PHACTR2: variants seen among roughly 807,000 people sequenced by gnomAD.
PHACTR2 encodes the protein phosphatase and actin regulator 2.
PHACTR2 carries 30 observed loss-of-function variants against 76.0 expected under a neutral mutation model. That is an observed-to-expected ratio of 0.39 (90% confidence interval 0.30 to 0.54). The LOEUF (loss-of-function observed/expected upper bound fraction) is 0.54, where lower values mean the gene tolerates loss of function less well. Among genes scored for constraint, PHACTR2 ranks in the 20% least tolerant of loss-of-function variants. The pLI, the probability that PHACTR2 is intolerant of heterozygous loss-of-function variation, is 0.61. For synonymous variants in PHACTR2, 292 were observed against 292.5 expected (o/e 1.00, Z 0.02); for missense variants, 696 against 781.1 (o/e 0.89, Z 1.30).
At chr6:143,538,746 T>A (rs990808563) in intron 1 of PHACTR2, among the ~76,000 whole-genome samples, 13 of 152,400 alleles carry the variant, frequency 8.5e-5, no homozygotes, top group Middle Eastern at 3.4e-3. Context: ...CTTGTCATAT[T>A]GTTTTTGCCG....
At position 143,621,291 on chromosome 6, in the gene PHACTR2, T is replaced by C. The variant is rs939993630; in HGVS notation, c.13+12969T>C. Among the ~76,000 whole-genome samples, 3 of 152,164 alleles carry C rather than the reference T, an allele frequency of 2.0e-5. No homozygotes were observed. The highest frequency in any genetic ancestry group is 1.3e-4 in the Admixed American group (2 of 15,280). ...AGGTTTCATTCTGGCTTCTTCAATT[T>C]GGTGTGAATTGACAACAAAGAAAAC... is the stretch of plus-strand genomic sequence containing the variant. On this transcript the variant is annotated intron_variant, in intron 1 of 11. Transcript: ENST00000305766. The surrounding 1 kb of genome is among the most constrained non-coding windows in gnomAD (Gnocchi z 4.1).
In PHACTR2 at chr6:143,783,005, A is replaced by ATGTGTGTGTG. The variant is rs144077213; in HGVS notation, c.1646-192_1646-183dup. ...AGCAAACCAGTCCTACAAAAAAAGC[A>ATGTGTGTGTG]TGTGTGTGTGTGTGTGTGTGTGTGT... On this transcript the variant is annotated intron_variant, in intron 9 of 12. Coordinates refer to ENST00000440869, the MANE Select transcript of PHACTR2 (RefSeq NM_001100164.2). This position sits in a 1 kb window ranked among gnomAD's most constrained non-coding sequence, Gnocchi z 5.2. Among the ~76,000 whole-genome samples, 15,361 of 146,086 alleles carry ATGTGTGTGTG rather than the reference A, an allele frequency of 0.11. 965 individuals are homozygous for ATGTGTGTGTG. The highest frequency in any genetic ancestry group is 0.15 in the Non-Finnish European group (9,938 of 66,372).
rs1357736141 is a variant in PHACTR2 at position 143,623,025 on chromosome 6, T to C, written c.13+14703T>C. Among the ~76,000 whole-genome samples, 3 of 152,192 alleles carry C rather than the reference T, an allele frequency of 2.0e-5. No homozygotes were observed. Among genetic ancestry groups the C allele is most frequent in the Non-Finnish European group, 4.4e-5 (3 of 68,036 alleles). ...TAGTGACATTGTTTATCCATTTGCTTTGAACTTTTCAGATTACCTTCCCTA... is the reference window on the plus strand; with the variant it reads ...TAGTGACATTGTTTATCCATTTGCTCTGAACTTTTCAGATTACCTTCCCTA... On this transcript the variant is annotated intron_variant, in intron 1 of 11. Transcript: ENST00000305766. The surrounding 1 kb of genome is among the most constrained non-coding windows in gnomAD (Gnocchi z 5.9).
rs146952846 is a variant in PHACTR2 at position 143,740,297 on chromosome 6, C to A, written c.215-8688C>A. ...GTTTTAGCTGGCTTCTTTATTGCAA[C>A]CTGTTTTGTCATCAAGATCTTTAAG... On this transcript the variant is annotated intron_variant, in intron 2 of 12. Transcript: ENST00000440869. 2.9e-3 allele frequency among the ~76,000 whole-genome samples: 434 copies of A among 151,960 alleles called. 3 individuals carry two copies. The highest frequency in any genetic ancestry group is 9.9e-3 in the African/African-American group (412 of 41,460).
rs1172327778 is a variant in PHACTR2 at position 143,794,355 on chromosome 6, AT to A, written c.1845+5448del. On this transcript the variant is annotated intron_variant, in intron 11 of 12. Transcript: ENST00000440869. The surrounding 1 kb of genome is among the most constrained non-coding windows in gnomAD (Gnocchi z 4.1). ...TATTTATTATATATATTTAGATCAG[AT>A]TTAAAATATTGTATTAAGTTAATTC... Among the ~76,000 whole-genome samples the A allele has an allele frequency of 6.6e-6, 1 of 151,130 alleles. No individual in the cohort carries two copies. Among genetic ancestry groups the A allele is most frequent in the Non-Finnish European group, 1.5e-5 (1 of 67,788 alleles).
At chr6:143,563,520 C>T (rs1343853452) in intron 1 of PHACTR2, among the ~76,000 whole-genome samples, 3 of 142,998 alleles carry the variant, frequency 2.1e-5, no homozygotes, top group Non-Finnish European at 3.0e-5. Flanking sequence ...CGCGCCACTG[C>T]ACTCCAGCCT....
At chr6:143,628,939 A>G (rs1435098787) in intron 1 of PHACTR2, among the ~76,000 whole-genome samples, 1 of 28,130 alleles carries the variant, frequency 3.6e-5, no homozygotes, top group Non-Finnish European at 9.3e-5. Flanking sequence ...ATATATATAT[A>G]TATATATATA....
Position 143,562,499 on chromosome 6 carries a change from G to A in PHACTR2, c.217+25292G>A, listed in dbSNP as rs894524826. ...GCCATGAGGAATCTGCTCCCATGAC[G>A]CAAACACCTCCCACCAGGCCCCACC... On this transcript the variant is annotated intron_variant, in intron 1 of 11. Coordinates refer to the PHACTR2 transcript ENST00000367584. The surrounding 1 kb of genome is among the most constrained non-coding windows in gnomAD (Gnocchi z 5.1). 2.0e-5 allele frequency among the ~76,000 whole-genome samples: 3 copies of A among 152,040 alleles called. No individual in the cohort carries two copies. The highest frequency in any genetic ancestry group is 6.6e-5 in the Admixed American group (1 of 15,262).
rs1353881469 is a variant in PHACTR2, at chr6:143,611,983, C to A, written c.13+3661C>A. Reference sequence around the variant, plus strand: ...TAGAGAATTTAAGACAGTAGTCCTGCACTACTGAACACAAGATGAGTTTTC... The same window carrying A: ...TAGAGAATTTAAGACAGTAGTCCTGAACTACTGAACACAAGATGAGTTTTC... On this transcript the variant is annotated intron_variant, in intron 1 of 11. Transcript: ENST00000305766. This position sits in a 1 kb window ranked among gnomAD's most constrained non-coding sequence, Gnocchi z 4.4. 1.3e-5 allele frequency among the ~76,000 whole-genome samples: 2 copies of A among 152,158 alleles called. No homozygotes were observed. Among genetic ancestry groups the A allele is most frequent in the East Asian group, 3.8e-4 (2 of 5,202 alleles).
In PHACTR2 at chr6:143,712,073, A is replaced by G; in HGVS notation, c.104A>G (p.Gln35Arg). The change falls in exon 2 of 13, where the codon CAA becomes CGA. Residue 35 changes from glutamine to arginine, a missense_variant. Gln to Arg is a conservative substitution (Grantham distance 43). Coordinates refer to ENST00000440869, the MANE Select transcript of PHACTR2 (RefSeq NM_001100164.2). ...ANSDGPTAGSQTPPFKRKGKL... is the reference protein window; with the variant it reads ...ANSDGPTAGSRTPPFKRKGKL... ...TCAGATGGCCCCACAGCAGGTTCCC[A>G]AACACCTCCCTTCAAAAGAAAGGGG... 1 of 1,598,484 alleles carries G rather than the reference A, an allele frequency of 6.3e-7. No homozygotes were observed. Among genetic ancestry groups the G allele is most frequent in the South Asian group, 1.1e-5 (1 of 87,796 alleles).
Position 143,760,469 on chromosome 6 carries a change from A to G in PHACTR2, c.523A>G (p.Arg175Gly), listed in dbSNP as rs1219705900. ...ACCTCCTTCTGCTCCTCCTAAGCCTAGACCCAAACCTAAACCCAAAAAATC... is the reference window on the plus strand; with the variant it reads ...ACCTCCTTCTGCTCCTCCTAAGCCTGGACCCAAACCTAAACCCAAAAAATC... ...ALPPSAPPKP[R>G]PKPKPKKSPV... The change falls in exon 5 of 13, where the codon AGA (arginine) becomes GGA (glycine). Residue 175 changes from arginine (R) to glycine (G), a missense_variant. Coordinates refer to ENST00000440869, the MANE Select transcript of PHACTR2 (RefSeq NM_001100164.2). This position sits in a 1 kb window ranked among gnomAD's most constrained non-coding sequence, Gnocchi z 6.4. The G allele has an allele frequency of 6.2e-7, 1 of 1,613,660 alleles. No individual in the cohort carries two copies. Among genetic ancestry groups the G allele is most frequent in the Non-Finnish European group, 8.5e-7 (1 of 1,179,770 alleles).
Position 143,678,016 on chromosome 6 carries a change from C to T in PHACTR2, c.-148C>T. ...GGCTGCGGCCGGCCGGGCTGGGAGA[C>T]CCGCGCGGGGTAGAAGGTGAGGGGA... On this transcript the variant is annotated 5_prime_UTR_variant, in exon 1 of 13. Transcript: ENST00000440869. This position sits in a 1 kb window ranked among gnomAD's most constrained non-coding sequence, Gnocchi z 6.2. The T allele has an allele frequency of 6.8e-7, 1 of 1,478,538 alleles. No homozygotes were observed. Among genetic ancestry groups the T allele is most frequent in the East Asian group, 2.8e-5 (1 of 35,394 alleles). 91.6% of individuals were successfully genotyped at this position (1,478,538 alleles called of 1,614,324 possible).
rs370125457 is a variant in PHACTR2 at position 143,801,722 on chromosome 6, G to A, written c.1846-5335G>A. ...TGTCAACTCATCAAACTCATTCTCC[G>A]TCCAGTTTTGTTCCCTTGCTGGCGA... On this transcript the variant is annotated intron_variant, in intron 11 of 12. Coordinates refer to ENST00000440869, the MANE Select transcript of PHACTR2 (RefSeq NM_001100164.2). This position sits in a 1 kb window ranked among gnomAD's most constrained non-coding sequence, Gnocchi z 4.6. Among the ~76,000 whole-genome samples the A allele has an allele frequency of 2.0e-4, 30 of 152,156 alleles. No homozygotes were observed. Among genetic ancestry groups the A allele is most frequent in the African/African-American group, 4.8e-4 (20 of 41,512 alleles).
At position 143,765,324 on chromosome 6, in the gene PHACTR2, C is replaced by G. The variant is rs1248223606; in HGVS notation, c.758C>G (p.Ser253Cys). Residue 253 changes from serine (S) to cysteine (C), a missense_variant, in exon 6 of 13, where the codon TCC (serine) becomes TGC (cysteine). By Grantham distance (112) the Ser-to-Cys change is moderately radical. Transcript: ENST00000440869. The surrounding 1 kb of genome is among the most constrained non-coding windows in gnomAD (Gnocchi z 4.1). The stretch of plus-strand genomic sequence containing the variant: ...GCATCAGCTTCGCCATCCACTTCAT[C>G]CACCTCATCTCGTCCCAAAGCTTCA... ...SKASASPSTS[S>C]TSSRPKASKE... 1 of 1,614,202 alleles carries G rather than the reference C, an allele frequency of 6.2e-7. No individual in the cohort carries two copies. The highest frequency in any genetic ancestry group is 1.1e-5 in the South Asian group (1 of 91,080).
At position 143,539,487 on chromosome 6, in the gene PHACTR2, T is replaced by C. The variant is rs1781152849; in HGVS notation, c.217+2280T>C. 6.6e-6 allele frequency among the ~76,000 whole-genome samples: 1 copy of C among 152,240 alleles called. No individual in the cohort carries two copies. The highest frequency in any genetic ancestry group is 2.1e-4 in the South Asian group (1 of 4,834). On this transcript the variant is annotated intron_variant, in intron 1 of 11. Transcript: ENST00000367584. The surrounding 1 kb of genome is among the most constrained non-coding windows in gnomAD (Gnocchi z 4.3). ...CATGCCCCACAGCCTCTGCAGCCTC[T>C]GTAAGCCATGCAGGATGGATCTGAG...
intron 2 of PHACTR2, among the ~76,000 whole-genome samples, chr6:143,728,002 A>G (rs1185314206): frequency 6.6e-6 from 1 of 151,012 alleles, no homozygotes; most frequent in Non-Finnish European, 1.5e-5. Flanking sequence ...AGGCAAGAGA[A>G]AGAAATAAAA....
rs549082685 is a variant in PHACTR2, at chr6:143,787,435, C to T, written c.1708-1338C>T. On this transcript the variant is annotated intron_variant, in intron 10 of 12. Coordinates refer to ENST00000440869, the MANE Select transcript of PHACTR2 (RefSeq NM_001100164.2). This position sits in a 1 kb window ranked among gnomAD's most constrained non-coding sequence, Gnocchi z 4.6. ...TTCTCTTGTCCATTGCCTACCGGGG[C>T]TCTATGAAGATAGAGGGAGCCATAG... 6.6e-5 allele frequency among the ~76,000 whole-genome samples: 10 copies of T among 152,318 alleles called. No homozygotes were observed. The East Asian group carries it at 1.9e-3, about 29-fold the overall frequency.
Position 143,760,509 on chromosome 6 carries a change from A to T in PHACTR2, c.563A>T (p.Lys188Ile). 1.2e-6 allele frequency: 2 copies of T among 1,613,900 alleles called. No homozygotes were observed. The highest frequency in any genetic ancestry group is 8.5e-7 in the Non-Finnish European group (1 of 1,179,860). Reference sequence around the variant, plus strand: ...CCCAAAAAATCACCTGTGCCTCCGAAAGGGGCCACTGCTGGGGCCAGCCAC... The same window carrying T: ...CCCAAAAAATCACCTGTGCCTCCGATAGGGGCCACTGCTGGGGCCAGCCAC... ...PKPKKSPVPP[K>I]GATAGASHKG... The change falls in exon 5 of 13, where the codon AAA becomes ATA. Residue 188 changes from lysine (K) to isoleucine (I), a missense_variant. Physicochemically the swap from Lys to Ile is moderately radical, Grantham distance 102. Around this residue, in one of 2 missense-constraint regions of PHACTR2, gnomAD observed 460 missense variants for 450.9 expected, o/e 1.02. Coordinates refer to ENST00000440869, the MANE Select transcript of PHACTR2 (RefSeq NM_001100164.2). The surrounding 1 kb of genome is among the most constrained non-coding windows in gnomAD (Gnocchi z 6.4).
rs190281369 is a variant in PHACTR2 at position 143,731,698 on chromosome 6, G to A, written c.215-17287G>A. On this transcript the variant is annotated intron_variant, in intron 2 of 12. Coordinates refer to ENST00000440869, the MANE Select transcript of PHACTR2 (RefSeq NM_001100164.2). This position sits in a 1 kb window ranked among gnomAD's most constrained non-coding sequence, Gnocchi z 4.9. ...TCTGTAGTGTTCTTGCACTATCTTT[G>A]TCTAGGTTTGATATCAGGGCAACAC... Among the ~76,000 whole-genome samples the A allele has an allele frequency of 1.8e-4, 28 of 152,296 alleles. No individual in the cohort carries two copies. The East Asian group carries it at 4.6e-3, about 25-fold the overall frequency.
Sources: allele counts gnomAD v4.1 joint callset (sites outside exome capture counted in the v4.1 genomes callset), GRCh38; gene constraint gnomAD v4.1.1; regional missense constraint gnomAD v4.1.1; non-coding constraint Gnocchi (gnomAD v3.1); transcripts MANE v1.5; gene names NCBI Gene and HGNC (gene_info 2026-07-23, HGNC 2026-07-21).